The following DYNC2LI1 variants were observed in gnomAD, a reference collection of about 807,000 sequenced individuals.
DYNC2LI1 encodes dynein cytoplasmic 2 light intermediate chain 1.
In DYNC2LI1, 45 loss-of-function variants were observed where a neutral mutation model predicts 51.9. The observed-to-expected ratio is 0.87, with a 90% CI of 0.68 to 1.11. The LOEUF is 1.11. Ranked by LOEUF, DYNC2LI1 falls within the 50% of genes most tolerant of loss-of-function variation. The probability of loss-of-function intolerance (pLI) is 0.00; values close to 1 mark genes in which losing one functional copy is unlikely to be tolerated. For missense variants in DYNC2LI1, 490 were observed against 417.4 expected, an observed-to-expected ratio of 1.17 and a Z score of -1.51; for synonymous variants, 130 against 137.8, an observed-to-expected ratio of 0.94 and a Z score of 0.40.
intron 12 of DYNC2LI1, among the ~76,000 whole-genome samples, chr2:43,806,892 C>T (rs17031630): frequency 0.022 from 3,290 of 152,052 alleles, 81 homozygotes; most frequent in African/African-American, 0.062. Context: ...TCTCTTGGTT[C>T]GAGATTTTTT....
chr2:43,790,991 G>A (rs1230810731), intron 5 of DYNC2LI1, among the ~76,000 whole-genome samples: 2 of 152,132 alleles, frequency 1.3e-5, no homozygotes, highest in Non-Finnish European at 2.9e-5. Flanking sequence ...AGAGCCAGTG[G>A]ATCACTTGAG....
downstream of DYNC2LI1, chr2:43,810,602 G>A (rs1001268404): frequency 1.2e-6 from 1 of 841,012 alleles, no homozygotes; most frequent in Non-Finnish European, 1.4e-6. Context: ...TTGACTCCCA[G>A]CTTCAGATAA....
intron 2 of DYNC2LI1, 99 bp from the exon 3 acceptor site, chr2:43,783,421 A>G: frequency 2.2e-6 from 2 of 913,608 alleles, no homozygotes; most frequent in Non-Finnish European, 1.7e-6. Flanking sequence ...TTATCATTCA[A>G]TTGATTAAAA....
intron 12 of DYNC2LI1, among the ~76,000 whole-genome samples, chr2:43,809,391 G>A (rs1405556403): frequency 6.6e-6 from 1 of 152,138 alleles, no homozygotes; most frequent in Non-Finnish European, 1.5e-5. Flanking sequence ...AATACTTGAA[G>A]GATGACAGAT....
chr2:43,804,160 A>C (rs1666162251), intron 10 of DYNC2LI1, among the ~76,000 whole-genome samples: 1 of 152,184 alleles, frequency 6.6e-6, no homozygotes, highest in Non-Finnish European at 1.5e-5. Context: ...TTAATGCTGT[A>C]TGTGGGTCTA....
intron 8 of DYNC2LI1, 139 bp downstream of exon 8, chr2:43,796,934 C>G: frequency 1.5e-6 from 1 of 651,666 alleles, no homozygotes. Flanking sequence ...CTGAAGACCT[C>G]TCCTTACAGA....
At chr2:43,803,621 C>T (rs1572719220) in intron 10 of DYNC2LI1, among the ~76,000 whole-genome samples, 1 of 151,984 alleles carries the variant, frequency 6.6e-6, no homozygotes, top group African/African-American at 2.4e-5. Flanking sequence ...GTTGGTGTCT[C>T]GACTGTGGTA....
At chr2:43,821,374 T>A in the DYNC2LI1 span, among the ~76,000 whole-genome samples, 1 of 152,190 alleles carries the variant, frequency 6.6e-6, no homozygotes, top group Admixed American at 6.5e-5. Flanking sequence ...AATTAGCGAA[T>A]CTCAATTCCA....
chr2:43,825,639 A>C, the DYNC2LI1 span, among the ~76,000 whole-genome samples: 5,734 of 152,038 alleles, frequency 0.038, 367 homozygotes, highest in African/African-American at 0.13. Flanking sequence ...CTGAGACCGA[A>C]TCTCACTCTG....
chr2:43,825,568 C>G, the DYNC2LI1 span, among the ~76,000 whole-genome samples: 1 of 152,120 alleles, frequency 6.6e-6, no homozygotes, highest in African/African-American at 2.4e-5. Flanking sequence ...CTATTAACAA[C>G]TGTGTGATCT....
At chr2:43,782,294 A>T (rs1673325272) in intron 2 of DYNC2LI1, among the ~76,000 whole-genome samples, 1 of 152,060 alleles carries the variant, frequency 6.6e-6, no homozygotes, top group African/African-American at 2.4e-5. Flanking sequence ...AATTCCAGTT[A>T]TTTTTTAATA....
chr2:43,826,511 C>T, the DYNC2LI1 span: 1 of 1,614,200 alleles, frequency 6.2e-7, no homozygotes, highest in Non-Finnish European at 8.5e-7. Flanking sequence ...GCTCATCAAA[C>T]AGCATGACCT....
chr2:43,784,796 A>G (rs531295442), intron 3 of DYNC2LI1, among the ~76,000 whole-genome samples: 2 of 152,196 alleles, frequency 1.3e-5, no homozygotes, highest in Non-Finnish European at 2.9e-5. Flanking sequence ...TTTCTAAAAT[A>G]TAGGTTAAAT....
the DYNC2LI1 span, chr2:43,822,739 C>G: frequency 6.2e-7 from 1 of 1,612,222 alleles, no homozygotes; most frequent in Non-Finnish European, 8.5e-7. Flanking sequence ...TGCACGAGTC[C>G]CACTAGCTCC....
chr2:43,824,270 A>T, the DYNC2LI1 span: 5 of 1,614,120 alleles, frequency 3.1e-6, no homozygotes, highest in East Asian at 1.1e-4. Flanking sequence ...TTTGGTTTTG[A>T]AAGGAACCAT....
At chr2:43,815,154 A>T in the DYNC2LI1 span, among the ~76,000 whole-genome samples, 1 of 152,216 alleles carries the variant, frequency 6.6e-6, no homozygotes, top group Admixed American at 6.5e-5. Flanking sequence ...CTAGAATACA[A>T]AGGAAAAAGG....
chr2:43,827,109 G>A, the DYNC2LI1 span, among the ~76,000 whole-genome samples: 17 of 152,166 alleles, frequency 1.1e-4, no homozygotes, highest in Admixed American at 1.1e-3. Context: ...CAGATCACCT[G>A]AGGTCAGGAG....
At position 43,800,889 on chromosome 2, in the gene DYNC2LI1, A is replaced by C; in HGVS notation, c.703A>C (p.Asn235His). 1 of 1,605,484 alleles carries C rather than the reference A, an allele frequency of 6.2e-7. No homozygotes were observed. ...ALLLKIRGVI[N>H]QLAFGIDKSK... ...ATTACTAAAAATACGTGGAGTTATC[A>C]ACCAGTTGGCATTTGGCATTGACAA... Residue 235 changes from asparagine to histidine, a missense_variant, in exon 9 of 13, where the codon AAC becomes CAC. Physicochemically the swap from Asn to His is moderately conservative, Grantham distance 68 (BLOSUM62 1). Coordinates refer to ENST00000260605, the MANE Select transcript of DYNC2LI1 (RefSeq NM_016008.4).
At chr2:43,813,309 C>T (rs1194231261), downstream of DYNC2LI1, 2 of 1,607,580 alleles carry the variant, frequency 1.2e-6, no homozygotes, top group Admixed American at 1.7e-5. Context: ...ATTTGAGCTG[C>T]CTGTCAAGGA....
Sources: gnomAD v4.1 joint callset for allele counts (sites outside exome capture counted in the v4.1 genomes callset) on GRCh38, gnomAD v4.1.1 for gene constraint, MANE v1.5 for transcripts, NCBI Gene and HGNC (gene_info 2026-07-23, HGNC 2026-07-21) for gene names.